The following IFNAR1 variants were observed in gnomAD, a reference collection of about 807,000 sequenced individuals.
The protein encoded by IFNAR1 is interferon alpha/beta receptor 1.
A neutral mutation model predicts 62.1 loss-of-function variants in IFNAR1; 47 were observed. The observed-to-expected ratio is 0.76, with a 90% CI of 0.60 to 0.97. The LOEUF (loss-of-function observed/expected upper bound fraction) is 0.97. Among genes scored for constraint, IFNAR1 ranks in the 50% least tolerant of loss-of-function variants. The pLI is 0.00. For synonymous variants in IFNAR1, 219 were observed against 226.9 expected (o/e 0.97, Z 0.31); for missense variants, 638 against 654.5 (o/e 0.97, Z 0.27).
At chr21:33,335,214 T>C (rs1002267992) in intron 1 of IFNAR1, 2 of 461,560 alleles carry the variant, frequency 4.3e-6, no homozygotes, top group Non-Finnish European at 7.8e-6. Flanking sequence ...TAAGAGTGAC[T>C]CATCGGTGTC....
At chr21:33,334,484 C>T (rs1183271894) in intron 1 of IFNAR1, 1 of 338,314 alleles carries the variant, frequency 3.0e-6, no homozygotes, top group Non-Finnish European at 5.8e-6. Flanking sequence ...GCAAAATTGC[C>T]CTTCAAAAGC....
At chr21:33,349,623 TGGGGG>T in intron 8 of IFNAR1, 80 bp downstream of exon 8, 1 of 1,121,938 alleles carries the variant, frequency 8.9e-7, no homozygotes, top group Non-Finnish European at 1.3e-6. Flanking sequence ...ATGTAAAATT[TGGGGG>T]AAATTTTTAA....
intron 5 of IFNAR1, among the ~76,000 whole-genome samples, chr21:33,344,765 CTTAT>C (rs11421099): frequency 0.19 from 23,614 of 121,856 alleles, 2,196 homozygotes; most frequent in East Asian, 0.35. Context: ...TTCTTTTTTA[CTTAT>C]TTATTTATTT....
In IFNAR1 at chr21:33,335,535, C is replaced by G. The variant is rs2083225413; in HGVS notation, c.88C>G (p.Leu30Val). The G allele has an allele frequency of 4.4e-6, 7 of 1,590,480 alleles. No homozygotes were observed. The African/African-American group carries it at 9.4e-5, about 21-fold the overall frequency. The change falls in exon 2 of 11, where the codon CTA (leucine) becomes GTA (valine). Residue 30 changes from leucine to valine, a missense_variant. Physicochemically the swap from Leu to Val is conservative, Grantham distance 32. Transcript: ENST00000270139. ...VLSAAAGGKN[L>V]KSPQKVEVDI... ...TGTTGCTTTTATAGGTGGAAAAAAT[C>G]TAAAATCTCCTCAAAAAGTAGAGGT...
intron 2 of IFNAR1, among the ~76,000 whole-genome samples, chr21:33,340,331 A>G (rs756492751): frequency 4.9e-4 from 75 of 152,052 alleles, no homozygotes; most frequent in Non-Finnish European, 8.4e-4. Context: ...GGAATCATCA[A>G]ATCCAATTCC....
chr21:33,344,794 T>TTATGTATTTATTTATG (rs2083329855), intron 5 of IFNAR1, among the ~76,000 whole-genome samples: 1 of 149,928 alleles, frequency 6.7e-6, no homozygotes, highest in Non-Finnish European at 1.5e-5. Context: ...ATTTATTTAT[T>TTATGTATTTATTTATG]TATTTATTTT....
chr21:33,354,442 A>C (rs114441765), intron 10 of IFNAR1, among the ~76,000 whole-genome samples: 2 of 152,364 alleles, frequency 1.3e-5, no homozygotes, highest in African/African-American at 4.8e-5. Flanking sequence ...ACGTAATTCC[A>C]TTGTAAGTTA....
Position 33,359,789 on chromosome 21 carries a change from A to G in IFNAR1, c.*4240A>G, listed in dbSNP as rs1417643695. 2 of 152,200 alleles carry G rather than the reference A, an allele frequency of 1.3e-5. No individual in the cohort carries two copies. Among genetic ancestry groups the G allele is most frequent in the Admixed American group, 1.3e-4 (2 of 15,282 alleles). 9.4% of individuals were successfully genotyped at this position (152,200 alleles called of 1,614,324 possible). Reference sequence around the variant, plus strand: ...CCTTTTTTACAGTGGACAAGGACACAAATAATAAATAAATCATCCCTAATG... The same window carrying G: ...CCTTTTTTACAGTGGACAAGGACACGAATAATAAATAAATCATCCCTAATG... On this transcript the variant is annotated 3_prime_UTR_variant, in exon 11 of 11. Coordinates refer to ENST00000270139, the MANE Select transcript of IFNAR1 (RefSeq NM_000629.3).
In IFNAR1 at chr21:33,345,335, A is replaced by G. The variant is rs1202453452; in HGVS notation, c.763A>G (p.Met255Val). 1.3e-6 allele frequency: 2 copies of G among 1,595,238 alleles called. No individual in the cohort carries two copies. Among genetic ancestry groups the G allele is most frequent in the Non-Finnish European group, 1.7e-6 (2 of 1,163,300 alleles). The change falls in exon 6 of 11, where the codon ATG becomes GTG. Residue 255 changes from methionine (M) to valine (V), a missense_variant. Met to Val is a conservative substitution (Grantham distance 21). Transcript: ENST00000270139. ...VLKWDYTYAN[M>V]TFQVQWLHAF... is the part of the protein sequence containing the mutation. Reference sequence around the variant, plus strand: ...TAAATGGGATTATACATATGCAAACATGACCTTTCAAGTTCAGTGGCTCCA... The same window carrying G: ...TAAATGGGATTATACATATGCAAACGTGACCTTTCAAGTTCAGTGGCTCCA...
At position 33,355,016 on chromosome 21, in the gene IFNAR1, G is replaced by A. The variant is rs149668650; in HGVS notation, c.1441-300G>A. Among the ~76,000 whole-genome samples the A allele has an allele frequency of 5.0e-3, 753 of 151,640 alleles. 3 individuals are homozygous for A. The highest frequency in any genetic ancestry group is 0.017 in the African/African-American group (701 of 41,344). On this transcript the variant is annotated intron_variant, in intron 10 of 10. Coordinates refer to ENST00000270139, the MANE Select transcript of IFNAR1 (RefSeq NM_000629.3). ...AAAAAAAAAAAGTCATGATCCCAGA[G>A]TCCGCCCGCTCCTGTCCTTTCCCGT...
At chr21:33,352,266 GGCA>G (rs763930808) in intron 8 of IFNAR1, among the ~76,000 whole-genome samples, 53 of 152,024 alleles carry the variant, frequency 3.5e-4, no homozygotes, top group Admixed American at 5.2e-4. Context: ...ATGCTTTTTT[GGCA>G]GCAGCATTTT....
chr21:33,347,795 G>A (rs1449955375), intron 6 of IFNAR1, among the ~76,000 whole-genome samples: 2 of 152,132 alleles, frequency 1.3e-5, no homozygotes, highest in East Asian at 3.8e-4. Context: ...AGGAATCTTG[G>A]GGGCCATCTC....
Position 33,349,299 on chromosome 21 carries a change from G to A in IFNAR1, c.988+9G>A. The A allele has an allele frequency of 6.3e-7, 1 of 1,585,420 alleles. No homozygotes were observed. Among genetic ancestry groups the A allele is most frequent in the Non-Finnish European group, 8.6e-7 (1 of 1,163,104 alleles). On this transcript the variant is annotated intron_variant, in intron 7 of 10. Coordinates refer to ENST00000270139, the MANE Select transcript of IFNAR1 (RefSeq NM_000629.3). ...TGATACTGAAATACAAGGTAAGGCA[G>A]TAGTTTTTACTGGAGATTGTAATTC...
chr21:33,348,552 T>A (rs1408663132), intron 6 of IFNAR1, among the ~76,000 whole-genome samples: 1 of 152,184 alleles, frequency 6.6e-6, no homozygotes, highest in Non-Finnish European at 1.5e-5. Context: ...AAAACCAGTT[T>A]GTATTTTAGG....
intron 3 of IFNAR1, among the ~76,000 whole-genome samples, chr21:33,342,669 C>T (rs931856705): frequency 4.8e-5 from 7 of 145,378 alleles, no homozygotes; most frequent in Non-Finnish European, 1.0e-4. Context: ...ACGGTGAAAC[C>T]CTGTCTCTAC....
intron 3 of IFNAR1, among the ~76,000 whole-genome samples, chr21:33,341,674 T>A (rs2083293620): frequency 6.6e-6 from 1 of 152,184 alleles, no homozygotes; most frequent in African/African-American, 2.4e-5. Flanking sequence ...AGGTTTATCA[T>A]TGTTATTTCT....
At chr21:33,333,626 C>CTT (rs377630675) in intron 1 of IFNAR1, among the ~76,000 whole-genome samples, 2 of 97,460 alleles carry the variant, frequency 2.1e-5, no homozygotes, top group African/African-American at 4.4e-5. Flanking sequence ...TTTTTTTTTT[C>CTT]TTTTTTTTTT....
At chr21:33,342,493 T>A (rs1487055113) in intron 3 of IFNAR1, among the ~76,000 whole-genome samples, 2 of 152,030 alleles carry the variant, frequency 1.3e-5, no homozygotes, top group Non-Finnish European at 2.9e-5. Context: ...CTTTCTATAC[T>A]AATCTTCCAA....
chr21:33,356,475 C>T lies in IFNAR1; in HGVS notation c.*926C>T, dbSNP rs985541859. 2.0e-5 allele frequency: 3 copies of T among 152,162 alleles called. No homozygotes were observed. The highest frequency in any genetic ancestry group is 6.5e-5 in the Admixed American group (1 of 15,280). The allele number at this position is 152,162 out of a possible 1,614,324, so 9.4% of individuals were successfully genotyped here. On this transcript the variant is annotated 3_prime_UTR_variant, in exon 11 of 11. Coordinates refer to ENST00000270139, the MANE Select transcript of IFNAR1 (RefSeq NM_000629.3). ...TTGAGGGACTTCTGTTCATTCATCC[C>T]GAGAACATTGGCTTCCACATCACAG...
Sources: gnomAD v4.1 joint callset for allele counts (sites outside exome capture counted in the v4.1 genomes callset) on GRCh38, gnomAD v4.1.1 for gene constraint, MANE v1.5 for transcripts, NCBI Gene and HGNC (gene_info 2026-07-23, HGNC 2026-07-21) for gene names.